VPS13A: variants seen among roughly 807,000 people sequenced by gnomAD.
VPS13A encodes intermembrane lipid transfer protein VPS13A.
Under a neutral mutation model 390.9 loss-of-function variants are expected in VPS13A, and 264 were observed. The ratio of observed to expected loss-of-function variants is 0.68; its 90% CI spans 0.61 to 0.75. The LOEUF is 0.75. Ranked by LOEUF, VPS13A falls within the 30% of genes least tolerant of loss-of-function variation. The probability of loss-of-function intolerance (pLI) is 0.00; values close to 1 mark genes in which losing one functional copy is unlikely to be tolerated. For missense variants in VPS13A, 3,409 were observed against 3,733.9 expected, an observed-to-expected ratio of 0.91 and a Z score of 2.27; for synonymous variants, 1,231 against 1,227.1, an observed-to-expected ratio of 1.00 and a Z score of -0.07.
intron 52 of VPS13A, among the ~76,000 whole-genome samples, chr9:77,350,019 T>G (rs17063557): frequency 0.016 from 2,393 of 152,278 alleles, 48 homozygotes; most frequent in African/African-American, 0.042. Context: ...CTTACCATAT[T>G]TTTTTGTAGT....
intron 49 of VPS13A, 40 bp downstream of exon 49, chr9:77,340,322 A>C (rs1056663713): frequency 1.9e-6 from 3 of 1,603,660 alleles, no homozygotes; most frequent in Middle Eastern, 1.8e-4. Flanking sequence ...TTTTATTTTA[A>C]ATGTTTCTAT....
intron 68 of VPS13A, among the ~76,000 whole-genome samples, chr9:77,385,912 CAA>C (rs141109196): frequency 6.6e-6 from 1 of 151,012 alleles, no homozygotes; most frequent in Non-Finnish European, 1.5e-5. Context: ...GAGATTACTG[CAA>C]AAAAAACTGA....
rs569634237 is a variant in VPS13A at position 77,276,450 on chromosome 9, G to A, written c.2824+229G>A. ...TATGGAAAATCAGATGATAATGGTT[G>A]AATTTTAAATCTACTTAACTGAGTA... On this transcript the variant is annotated intron_variant, in intron 26 of 71. Transcript: ENST00000360280. Among the ~76,000 whole-genome samples the A allele has an allele frequency of 8.5e-5, 13 of 152,248 alleles. No individual in the cohort carries two copies. The East Asian group carries it at 2.3e-3, about 27-fold the overall frequency.
At chr9:77,235,070 A>G (rs1360094219) in intron 17 of VPS13A, among the ~76,000 whole-genome samples, 5 of 152,192 alleles carry the variant, frequency 3.3e-5, no homozygotes, top group Admixed American at 2.0e-4. Flanking sequence ...AATTAAAAAG[A>G]GGAGTTAAAA....
chr9:77,287,692 T>C (rs757943189), intron 31 of VPS13A, among the ~76,000 whole-genome samples: 2 of 152,124 alleles, frequency 1.3e-5, no homozygotes, highest in Non-Finnish European at 2.9e-5. Context: ...AGTAGAAACA[T>C]TTGACAGAAA....
chr9:77,339,327 T>G, intron 47 of VPS13A, 189 bp from the exon 48 acceptor site: 1 of 596,522 alleles, frequency 1.7e-6, no homozygotes, highest in Admixed American at 3.2e-5. Context: ...AGCTCAAATC[T>G]CAGATTAAAT....
At chr9:77,286,929 T>TTAAAA (rs1211452949) in intron 31 of VPS13A, among the ~76,000 whole-genome samples, 3 of 152,084 alleles carry the variant, frequency 2.0e-5, no homozygotes, top group African/African-American at 7.2e-5. Flanking sequence ...TGGTGTTTTA[T>TTAAAA]TAACCGTCTT....
intron 45 of VPS13A, among the ~76,000 whole-genome samples, chr9:77,329,895 G>GT (rs1830198030): frequency 2.0e-5 from 3 of 152,108 alleles, no homozygotes; most frequent in Admixed American, 1.3e-4. Flanking sequence ...TTTATCTCAG[G>GT]TTTTTTTCAG....
intron 68 of VPS13A, among the ~76,000 whole-genome samples, chr9:77,391,972 G>A (rs937920629): frequency 1.3e-5 from 2 of 152,106 alleles, no homozygotes; most frequent in Non-Finnish European, 2.9e-5. Flanking sequence ...AGTATTGAAG[G>A]TTCCTGCTCA....
At chr9:77,340,798 G>A in intron 50 of VPS13A, 1 of 442,102 alleles carries the variant, frequency 2.3e-6, no homozygotes, top group Non-Finnish European at 4.1e-6. Context: ...TAACCACTTT[G>A]GTTAAATAAA....
In VPS13A at chr9:77,254,632, TTAA is replaced by T. The variant is rs1477262097; in HGVS notation, c.2288+2286_2288+2288del. On this transcript the variant is annotated intron_variant, in intron 22 of 71. Coordinates refer to ENST00000360280, the MANE Select transcript of VPS13A (RefSeq NM_033305.3). The stretch of plus-strand genomic sequence containing the variant: ...GATCCCTTTGAATAGTATTGACATC[TTAA>T]TAATATTGACTGTTATAGTCCATGA... Among the ~76,000 whole-genome samples, 107 of 152,360 alleles carry T rather than the reference TTAA, an allele frequency of 7.0e-4. 1 individual carries two copies. The highest frequency in any genetic ancestry group is 2.4e-3 in the African/African-American group (98 of 41,586).
intron 5 of VPS13A, among the ~76,000 whole-genome samples, chr9:77,206,981 A>G (rs1208198528): frequency 6.6e-6 from 1 of 151,476 alleles, no homozygotes; most frequent in Non-Finnish European, 1.5e-5. Context: ...GTTACTTTAT[A>G]TTATGTGTAG....
chr9:77,408,477 C>G (rs550869129), intron 71 of VPS13A, among the ~76,000 whole-genome samples: 2 of 152,264 alleles, frequency 1.3e-5, no homozygotes, highest in South Asian at 4.2e-4. Flanking sequence ...CGAGCGTGAG[C>G]CAAAGTAGGG....
intron 34 of VPS13A, among the ~76,000 whole-genome samples, chr9:77,306,818 T>G (rs142460527): frequency 2.4e-4 from 37 of 152,258 alleles, no homozygotes; most frequent in African/African-American, 8.9e-4. Flanking sequence ...CAAAGTGACA[T>G]ACAAAATTAA....
At chr9:77,339,206 C>T in intron 47 of VPS13A, 1 of 290,314 alleles carries the variant, frequency 3.4e-6, no homozygotes, top group Non-Finnish European at 6.4e-6. Context: ...GTTGTTTTAC[C>T]AATTATAGTG....
chr9:77,284,136 G>A (rs1827199516), intron 31 of VPS13A, among the ~76,000 whole-genome samples: 1 of 151,976 alleles, frequency 6.6e-6, no homozygotes, highest in Non-Finnish European at 1.5e-5. Flanking sequence ...TGGATGATTA[G>A]TTGTTGAAGG....
At chr9:77,246,582 T>TA (rs1824828596) in intron 19 of VPS13A, among the ~76,000 whole-genome samples, 2 of 152,182 alleles carry the variant, frequency 1.3e-5, no homozygotes, top group African/African-American at 2.4e-5. Context: ...GCTGCTCATA[T>TA]AATTTTTTCT....
chr9:77,190,322 A>T (rs949919847), intron 1 of VPS13A, among the ~76,000 whole-genome samples: 1 of 152,164 alleles, frequency 6.6e-6, no homozygotes, highest in African/African-American at 2.4e-5. Context: ...GAATTTTATC[A>T]AAAGTCCTGA....
rs754344479 is a variant in VPS13A, at chr9:77,356,809, A to C, written c.7748A>C (p.Glu2583Ala). Reference sequence around the variant, plus strand: ...GAGAAGTTAGAGAGAGAATTTAAGGAATATACTGAATCTTCTCCTTCAGAA... The same window carrying C: ...GAGAAGTTAGAGAGAGAATTTAAGGCATATACTGAATCTTCTCCTTCAGAA... ...HTEKLEREFK[E>A]YTESSPSEDK... The change falls in exon 55 of 72, where the codon GAA (glutamate) becomes GCA (alanine). Residue 2583 changes from glutamate (E) to alanine (A), a missense_variant. Transcript: ENST00000360280. 2 of 1,613,890 alleles carry C rather than the reference A, an allele frequency of 1.2e-6. No homozygotes were observed. The highest frequency in any genetic ancestry group is 4.5e-5 in the East Asian group (2 of 44,826).
Sources: allele counts gnomAD v4.1 joint callset (sites outside exome capture counted in the v4.1 genomes callset), GRCh38; gene constraint gnomAD v4.1.1; transcripts MANE v1.5; gene names NCBI Gene and HGNC (gene_info 2026-07-23, HGNC 2026-07-21).